IDUA: variants seen among roughly 807,000 people sequenced by gnomAD.
The protein encoded by IDUA is alpha-L-iduronidase, also known as iduronidase alpha-L-.
Under a neutral mutation model 68.9 loss-of-function variants are expected in IDUA, and 65 were observed. The ratio of observed to expected loss-of-function variants is 0.94; its 90% CI spans 0.77 to 1.16. The LOEUF is 1.16. Ranked by LOEUF, IDUA falls within the 50% of genes most tolerant of loss-of-function variation. The pLI, the probability that IDUA is intolerant of heterozygous loss-of-function variation, is 0.00. For missense variants in IDUA, 1,046 were observed against 938.0 expected, an observed-to-expected ratio of 1.12 and a Z score of -1.50; for synonymous variants, 529 against 433.6, an observed-to-expected ratio of 1.22 and a Z score of -2.73.
At chr4:992,998 G>A (rs1714489155) in intron 2 of IDUA, 1 of 152,228 alleles carries the variant, frequency 6.6e-6, no homozygotes, top group African/African-American at 2.4e-5. Context: ...AGCCCAGCCT[G>A]GTAGGTTGAC....
intron 2 of IDUA, among the ~76,000 whole-genome samples, chr4:995,582 G>A (rs1463112567): frequency 2.0e-5 from 3 of 152,244 alleles, no homozygotes; most frequent in East Asian, 1.9e-4. Flanking sequence ...GACTCTGTCC[G>A]GGGAACAGAA....
intron 8 of IDUA, 72 bp from the exon 9 acceptor site, chr4:1,002,660 G>A: frequency 1.6e-6 from 2 of 1,236,070 alleles, no homozygotes; most frequent in Non-Finnish European, 2.2e-6. Context: ...CGAGTGGTGG[G>A]AGGCCCGGCC....
chr4:998,119 G>C (rs2153020768), intron 2 of IDUA, among the ~76,000 whole-genome samples: 1 of 152,336 alleles, frequency 6.6e-6, no homozygotes, highest in African/African-American at 2.4e-5. Flanking sequence ...CCTTTGGATG[G>C]AGGGGAGGAG....
At chr4:987,038 A>G (rs1362846731), upstream of IDUA, 1 of 1,511,928 alleles carries the variant, frequency 6.6e-7, no homozygotes, top group Non-Finnish European at 8.8e-7. Context: ...CGGAGGCGGA[A>G]CCGGCAGTGC....
intron 2 of IDUA, chr4:992,367 A>T (rs968290340): frequency 2.8e-6 from 1 of 363,172 alleles, no homozygotes; most frequent in South Asian, 2.0e-5. Context: ...GGGCTGGCGG[A>T]AGTCTCAGGA....
chr4:1,002,866 G>C lies in IDUA; in HGVS notation c.1324G>C (p.Ala442Pro). 6.9e-7 allele frequency: 1 copy of C among 1,446,272 alleles called. No individual in the cohort carries two copies. The highest frequency in any genetic ancestry group is 9.0e-7 in the Non-Finnish European group (1 of 1,105,626). 89.6% of individuals were successfully genotyped at this position (1,446,272 alleles called of 1,614,324 possible). Residue 442 changes from alanine to proline, a missense_variant, in exon 9 of 14, where the codon GCG becomes CCG. By Grantham distance (27) the Ala-to-Pro change is conservative. Coordinates refer to ENST00000514224, the MANE Select transcript of IDUA (RefSeq NM_000203.5). ...CTGGCGCGCCGCGGTGCTGATCTAC[G>C]CGAGCGACGACACCCGCGCCCACCC... The part of the protein sequence containing the change: ...DAWRAAVLIY[A>P]SDDTRAHPNR...
chr4:1,002,599 C>T, intron 8 of IDUA, 114 bp downstream of exon 8: 2 of 1,199,690 alleles, frequency 1.7e-6, no homozygotes, highest in Non-Finnish European at 2.2e-6. Context: ...TTCCCGGGGT[C>T]GGCCTCCGCG....
At chr4:1,003,744 C>G in intron 12 of IDUA, 119 bp downstream of exon 12, 2 of 1,149,846 alleles carry the variant, frequency 1.7e-6, no homozygotes, top group Non-Finnish European at 2.5e-6. Context: ...CCCTCCCTCG[C>G]CGCCCTGCGT....
In IDUA at chr4:1,001,492, C is replaced by T. The variant is rs1181224287; in HGVS notation, c.518C>T (p.Ser173Phe). The T allele has an allele frequency of 6.2e-7, 1 of 1,613,088 alleles. No homozygotes were observed. Among genetic ancestry groups the T allele is most frequent in the Non-Finnish European group, 8.5e-7 (1 of 1,179,978 alleles). Residue 173 changes from serine to phenylalanine, a missense_variant, in exon 5 of 14, where the codon TCC becomes TTC. Coordinates refer to ENST00000514224, the MANE Select transcript of IDUA (RefSeq NM_000203.5). ...YIGRYGLAHV[S>F]KWNFETWNEP... Reference sequence around the variant, plus strand: ...GGTAGGTACGGACTGGCGCATGTTTCCAAGTGGAACTTCGAGACGTGGAAT... The same window carrying T: ...GGTAGGTACGGACTGGCGCATGTTTTCAAGTGGAACTTCGAGACGTGGAAT...
chr4:989,163 G>A, intron 2 of IDUA: 1 of 1,607,292 alleles, frequency 6.2e-7, no homozygotes, highest in East Asian at 2.2e-5. Context: ...CCGGGCCCAG[G>A]TCCTCGCCCT....
chr4:987,899 C>T lies in IDUA; in HGVS notation c.249C>T (p.Arg83=), dbSNP rs765563471. 41 of 1,608,582 alleles carry T rather than the reference C, an allele frequency of 2.5e-5. No homozygotes were observed. Among genetic ancestry groups the T allele is most frequent in the Middle Eastern group, 1.7e-4 (1 of 6,058 alleles). The part of the protein sequence containing the change: ...NLAYVGAVPH[R]GIKQVRTHWL... ...CCTATGTGGGCGCCGTCCCTCACCG[C>T]GGCATCAAGCAGGTCCGGACCCACT... The change falls in exon 2 of 14, where the codon CGC becomes CGT. Residue 83 remains arginine (R), a synonymous_variant. Coordinates refer to ENST00000514224, the MANE Select transcript of IDUA (RefSeq NM_000203.5).
chr4:989,876 A>AGGC lies in IDUA; in HGVS notation c.299+1931_299+1933dup, dbSNP rs1300301955. 1.4e-5 allele frequency: 22 copies of AGGC among 1,573,686 alleles called. No individual in the cohort carries two copies. The highest frequency in any genetic ancestry group is 1.8e-5 in the Non-Finnish European group (21 of 1,160,552). ...AACATCTCCGCCAGCGAGATGGAGA[A>AGGC]GGCGGCAGCCACGAGGGCCAGGGCC... On this transcript the variant is annotated intron_variant, in intron 2 of 13. Coordinates refer to ENST00000514224, the MANE Select transcript of IDUA (RefSeq NM_000203.5).
intron 2 of IDUA, chr4:988,389 C>T: frequency 9.5e-7 from 1 of 1,057,430 alleles, no homozygotes; most frequent in Non-Finnish European, 1.1e-6. Flanking sequence ...CTTCTGGAAA[C>T]ACAGAGACCC....
chr4:991,294 A>G, intron 2 of IDUA: 1 of 1,612,670 alleles, frequency 6.2e-7, no homozygotes, highest in South Asian at 1.1e-5. Flanking sequence ...CTCCCGGTCC[A>G]CCACCTGCCC....
At chr4:988,105 G>A (rs1713890923) in intron 2 of IDUA, 156 bp downstream of exon 2, 2 of 1,440,522 alleles carry the variant, frequency 1.4e-6, no homozygotes, top group Non-Finnish European at 1.8e-6. Flanking sequence ...GTGCTGGGGT[G>A]AGGGCTGTGT....
chr4:988,210 C>T, intron 2 of IDUA: 1 of 1,341,496 alleles, frequency 7.5e-7, no homozygotes, highest in Non-Finnish European at 9.6e-7. Flanking sequence ...CCTGGTGCAC[C>T]CGTGAGCATC....
chr4:1,002,818 C>T lies in IDUA; in HGVS notation c.1276C>T (p.Arg426Cys). 2 of 1,458,008 alleles carry T rather than the reference C, an allele frequency of 1.4e-6. No individual in the cohort carries two copies. The highest frequency in any genetic ancestry group is 1.8e-6 in the Non-Finnish European group (2 of 1,111,020). The allele number at this position is 1,458,008 out of a possible 1,614,324, so 90.3% of individuals were successfully genotyped here. ...HTVGVLASAH[R>C]PQGPADAWRA... is the part of the protein sequence containing the mutation. Reference sequence around the variant, plus strand: ...GGTGGGCGTCCTGGCCAGCGCCCACCGCCCCCAGGGCCCGGCCGACGCCTG... The same window carrying T: ...GGTGGGCGTCCTGGCCAGCGCCCACTGCCCCCAGGGCCCGGCCGACGCCTG... The change falls in exon 9 of 14, where the codon CGC becomes TGC. Residue 426 changes from arginine (R) to cysteine (C), a missense_variant. Physicochemically the swap from Arg to Cys is radical, Grantham distance 180. Coordinates refer to ENST00000514224, the MANE Select transcript of IDUA (RefSeq NM_000203.5).
chr4:1,001,614 G>A (rs766380062), intron 5 of IDUA, 51 bp downstream of exon 5: 2 of 1,609,414 alleles, frequency 1.2e-6, no homozygotes, highest in East Asian at 4.5e-5. Context: ...GCAGAGGAAG[G>A]CAGGAGCAGA....
rs778980678 is a variant in IDUA at position 1,001,485 on chromosome 4, C to T, written c.511C>T (p.His171Tyr). The T allele has an allele frequency of 4.3e-6, 7 of 1,613,002 alleles. No homozygotes were observed. The Admixed American group carries it at 5.0e-5, about 12-fold the overall frequency. ...RRYIGRYGLAHVSKWNFETWN... is the reference protein window; with the variant it reads ...RRYIGRYGLAYVSKWNFETWN... ...CTCTGCAGGTAGGTACGGACTGGCG[C>T]ATGTTTCCAAGTGGAACTTCGAGAC... The change falls in exon 5 of 14, where the codon CAT becomes TAT. Residue 171 changes from histidine (H) to tyrosine (Y), a missense_variant. His to Tyr is a moderately conservative substitution (Grantham distance 83, BLOSUM62 2). Coordinates refer to ENST00000514224, the MANE Select transcript of IDUA (RefSeq NM_000203.5).
Sources: allele counts gnomAD v4.1 joint callset (sites outside exome capture counted in the v4.1 genomes callset), GRCh38; gene constraint gnomAD v4.1.1; transcripts MANE v1.5; gene names NCBI Gene and HGNC (gene_info 2026-07-23, HGNC 2026-07-21).